Variants in ATXN7L1 observed in about 807,000 individuals in gnomAD.
ATXN7L1 encodes the protein ataxin 7 like 1.
Under a neutral mutation model 70.8 loss-of-function variants are expected in ATXN7L1, and 15 were observed. The observed-to-expected ratio is 0.21, with a 90% CI of 0.14 to 0.33. The LOEUF (loss-of-function observed/expected upper bound fraction) is 0.33. Ranked by LOEUF, ATXN7L1 falls within the 10% of genes least tolerant of loss-of-function variation. ATXN7L1 has a pLI of 1.00. For synonymous variants in ATXN7L1, 440 were observed against 445.1 expected (o/e 0.99, Z 0.14); for missense variants, 975 against 1,097.1 (o/e 0.89, Z 1.57).
chr7:105,814,700 A>C (rs1808940291), intron 2 of ATXN7L1, among the ~76,000 whole-genome samples: 1 of 152,206 alleles, frequency 6.6e-6, no homozygotes, highest in South Asian at 2.1e-4. Context: ...GAAAGGAAGG[A>C]AGAAGAGTCA....
chr7:105,676,427 C>T (rs183705445), intron 3 of ATXN7L1, among the ~76,000 whole-genome samples: 4 of 152,318 alleles, frequency 2.6e-5, no homozygotes, highest in East Asian at 1.9e-4. Context: ...CAGCTGATAT[C>T]GCCCCCAGAG....
At chr7:105,844,857 A>G (rs574060961) in intron 2 of ATXN7L1, among the ~76,000 whole-genome samples, 1 of 152,306 alleles carries the variant, frequency 6.6e-6, no homozygotes, top group East Asian at 1.9e-4. Flanking sequence ...AAAGAAAACT[A>G]TGAGAGTTAA....
chr7:105,655,569 T>C (rs1275199252), intron 4 of ATXN7L1, among the ~76,000 whole-genome samples: 1 of 152,074 alleles, frequency 6.6e-6, no homozygotes, highest in Admixed American at 6.5e-5. Flanking sequence ...CTGCGGCTCC[T>C]TGGGTTGCTC....
intron 2 of ATXN7L1, among the ~76,000 whole-genome samples, chr7:105,862,003 C>A (rs1046253936): frequency 2.0e-5 from 3 of 152,106 alleles, no homozygotes; most frequent in African/African-American, 4.8e-5. Context: ...TGGGTCCTGC[C>A]CCGCTTCTGC....
At chr7:105,679,401 C>T (rs968864184) in intron 3 of ATXN7L1, among the ~76,000 whole-genome samples, 16 of 152,174 alleles carry the variant, frequency 1.1e-4, no homozygotes, top group African/African-American at 3.9e-4. Flanking sequence ...TCTGTCTGGC[C>T]TGGGTCCCCG....
intron 2 of ATXN7L1, among the ~76,000 whole-genome samples, chr7:105,811,327 C>T (rs1006055469): frequency 6.6e-6 from 1 of 152,144 alleles, no homozygotes; most frequent in Admixed American, 6.5e-5. Context: ...CTAGCCACAC[C>T]GGAAGCATGC....
chr7:105,634,128 G>C (rs1001141835), intron 7 of ATXN7L1, among the ~76,000 whole-genome samples: 2 of 152,206 alleles, frequency 1.3e-5, no homozygotes. Context: ...AAAAGCTGAG[G>C]AGTGATAGGG....
chr7:105,819,634 A>G, intron 2 of ATXN7L1: 1 of 884,532 alleles, frequency 1.1e-6, no homozygotes, highest in African/African-American at 1.7e-5. Context: ...GGCCATTTCT[A>G]CAGATACAAG....
intron 2 of ATXN7L1, among the ~76,000 whole-genome samples, chr7:105,865,372 A>G (rs1341630434): frequency 6.6e-6 from 1 of 152,142 alleles, no homozygotes; most frequent in East Asian, 1.9e-4. Context: ...GTGTGTGGTA[A>G]AATACACATA....
At chr7:105,618,189 C>A in intron 9 of ATXN7L1, 1 of 390,518 alleles carries the variant, frequency 2.6e-6, no homozygotes, top group Non-Finnish European at 5.1e-6. Flanking sequence ...CCGGGATTGA[C>A]ACTTCCATAA....
chr7:105,678,131 T>G, intron 3 of ATXN7L1: 1 of 515,366 alleles, frequency 1.9e-6, no homozygotes, highest in Non-Finnish European at 2.5e-6. Context: ...CCCTTTTCTC[T>G]CCCTTCTTTA....
In ATXN7L1 at chr7:105,698,170, C is replaced by T. The variant is rs149093556; in HGVS notation, c.356-32882G>A. 4.3e-4 allele frequency among the ~76,000 whole-genome samples: 66 copies of T among 152,196 alleles called. No individual in the cohort carries two copies. In the South Asian group the frequency reaches 7.5e-3, roughly 17 times the overall value. ...GCCATGCAGACTTCCCAGTCGTGTC[C>T]GCACTCAGCTCAACACGCCTCACTT... On this transcript the variant is annotated intron_variant, in intron 3 of 11. Coordinates refer to ENST00000419735, the MANE Select transcript of ATXN7L1 (RefSeq NM_020725.2).
chr7:105,773,533 T>C (rs1802304634), intron 3 of ATXN7L1, among the ~76,000 whole-genome samples: 1 of 152,154 alleles, frequency 6.6e-6, no homozygotes, highest in Non-Finnish European at 1.5e-5. Context: ...TAGTTAACTG[T>C]TTGTAGGGGA....
intron 3 of ATXN7L1, among the ~76,000 whole-genome samples, chr7:105,727,275 C>T (rs761561615): frequency 6.6e-6 from 1 of 152,094 alleles, no homozygotes; most frequent in East Asian, 1.9e-4. Flanking sequence ...ATATTACTCA[C>T]GAAGCAGACA....
At chr7:105,824,959 A>G (rs990066661) in intron 2 of ATXN7L1, among the ~76,000 whole-genome samples, 1 of 151,816 alleles carries the variant, frequency 6.6e-6, no homozygotes, top group Non-Finnish European at 1.5e-5. Context: ...AAACAAAAAA[A>G]CCTCCATGGC....
chr7:105,849,506 G>A (rs917247161), intron 2 of ATXN7L1, among the ~76,000 whole-genome samples: 1 of 152,246 alleles, frequency 6.6e-6, no homozygotes, highest in African/African-American at 2.4e-5. Context: ...AGGCTGTACT[G>A]AAAGACAACA....
chr7:105,859,235 A>C (rs57316151), intron 2 of ATXN7L1, among the ~76,000 whole-genome samples: 2 of 151,896 alleles, frequency 1.3e-5, no homozygotes, highest in African/African-American at 4.8e-5. Context: ...CAAATAGTTC[A>C]GCAAAAACAT....
chr7:105,700,109 C>T (rs1792243175), intron 3 of ATXN7L1, among the ~76,000 whole-genome samples: 2 of 152,164 alleles, frequency 1.3e-5, no homozygotes, highest in South Asian at 4.1e-4. Flanking sequence ...GCTCATGATA[C>T]TGAGATATTA....
rs527335336 is a variant in ATXN7L1 at position 105,763,294 on chromosome 7, C to T, written c.355+25310G>A. Among the ~76,000 whole-genome samples the T allele has an allele frequency of 3.7e-4, 56 of 152,326 alleles. No individual in the cohort carries two copies. In the South Asian group the frequency reaches 8.3e-3, roughly 23 times the overall value. ...GTATCCCTGTTGCCCCCTCCACTGA[C>T]CCATCCCTCTGTGTCCACTCAGTCC... is the stretch of plus-strand genomic sequence containing the variant. On this transcript the variant is annotated intron_variant, in intron 3 of 11. Transcript: ENST00000419735.
Sources: allele counts gnomAD v4.1 joint callset (sites outside exome capture counted in the v4.1 genomes callset), GRCh38; gene constraint gnomAD v4.1.1; transcripts MANE v1.5; gene names NCBI Gene and HGNC (gene_info 2026-07-23, HGNC 2026-07-21).